Variants in SNX25 observed in about 807,000 individuals in gnomAD.
SNX25 encodes the protein sorting nexin-25.
In SNX25, 62 loss-of-function variants were observed where a neutral mutation model predicts 113.7. The observed-to-expected ratio is 0.55, with a 90% CI of 0.44 to 0.67. SNX25 has a LOEUF of 0.67. Among genes scored for constraint, SNX25 ranks in the 30% least tolerant of loss-of-function variants. SNX25 has a pLI of 0.00. For missense variants in SNX25, 1,014 were observed against 1,161.0 expected (o/e 0.87, Z 1.84); for synonymous variants, 421 against 436.2 (o/e 0.97, Z 0.43).
At chr4:185,343,846 A>C (rs371584055) in intron 12 of SNX25, among the ~76,000 whole-genome samples, 24 of 152,196 alleles carry the variant, frequency 1.6e-4, no homozygotes, top group African/African-American at 5.8e-4. Context: ...TAATAACAAG[A>C]GTGAGGCGTG....
At chr4:185,290,489 A>G (rs957316008) in intron 6 of SNX25, among the ~76,000 whole-genome samples, 2 of 152,234 alleles carry the variant, frequency 1.3e-5, no homozygotes, top group Non-Finnish European at 2.9e-5. Flanking sequence ...GTTACTGGTT[A>G]GCAGTGATTG....
At chr4:185,242,457 C>G (rs893699663) in intron 1 of SNX25, among the ~76,000 whole-genome samples, 2 of 152,184 alleles carry the variant, frequency 1.3e-5, no homozygotes, top group African/African-American at 4.8e-5. Flanking sequence ...CCATGAGCCC[C>G]CTTTGGGTTC....
intron 5 of SNX25, among the ~76,000 whole-genome samples, chr4:185,278,579 G>A (rs1038714917): frequency 2.0e-5 from 3 of 152,156 alleles, no homozygotes; most frequent in Admixed American, 6.5e-5. Context: ...CAGTTGCCGG[G>A]AGAAGGTAAA....
At chr4:185,352,700 C>T (rs1162823826) in intron 14 of SNX25, among the ~76,000 whole-genome samples, 1 of 152,200 alleles carries the variant, frequency 6.6e-6, no homozygotes, top group East Asian at 1.9e-4. Context: ...TTAGGGAACT[C>T]CTCCAGCCTC....
rs960198295 is a variant in SNX25, at chr4:185,286,732, C to T, written c.1092-1280C>T. On this transcript the variant is annotated intron_variant, in intron 5 of 18. Transcript: ENST00000652585. ...GGAGACTGGACGTTGGGCAGGCAGC[C>T]GGCAGTGTCTGCCACCATCTCTGAC... is the stretch of plus-strand genomic sequence containing the variant. Among the ~76,000 whole-genome samples the T allele has an allele frequency of 6.6e-5, 10 of 152,158 alleles. No homozygotes were observed. The East Asian group carries it at 1.2e-3, about 18-fold the overall frequency.
chr4:185,239,077 GCATTACGGCTGGTACT>G (rs1743103241), intron 1 of SNX25, among the ~76,000 whole-genome samples: 1 of 152,108 alleles, frequency 6.6e-6, no homozygotes, highest in African/African-American at 2.4e-5. Context: ...CAGTTTGAGC[GCATTACGGCTGGTACT>G]CTGGAGTAAA....
intron 15 of SNX25, among the ~76,000 whole-genome samples, chr4:185,357,305 G>A (rs1030266909): frequency 6.6e-6 from 1 of 152,194 alleles, no homozygotes. Context: ...TGTTCAAAAA[G>A]TGGGTTCAGC....
chr4:185,352,433 G>A (rs1217930377), intron 14 of SNX25, among the ~76,000 whole-genome samples: 1 of 152,114 alleles, frequency 6.6e-6, no homozygotes, highest in African/African-American at 2.4e-5. Context: ...GTCCCACAGA[G>A]CACACCCACA....
chr4:185,254,336 T>C (rs1746090381), intron 2 of SNX25, among the ~76,000 whole-genome samples: 1 of 152,170 alleles, frequency 6.6e-6, no homozygotes, highest in Non-Finnish European at 1.5e-5. Context: ...GAATTGTTGC[T>C]GTTGTTGTTT....
chr4:185,215,836 T>C (rs1180069625), intron 1 of SNX25, among the ~76,000 whole-genome samples: 1 of 151,908 alleles, frequency 6.6e-6, no homozygotes, highest in Non-Finnish European at 1.5e-5. Context: ...TTCGCCCAGA[T>C]TGGAGGGCAG....
intron 13 of SNX25, among the ~76,000 whole-genome samples, chr4:185,348,912 T>C (rs937443299): frequency 4.7e-5 from 7 of 149,126 alleles, no homozygotes; most frequent in African/African-American, 1.7e-4. Flanking sequence ...ACCTCTAATA[T>C]ATCAATTTTT....
chr4:185,310,852 A>C, intron 7 of SNX25, 36 bp downstream of exon 7: 1 of 1,545,970 alleles, frequency 6.5e-7, no homozygotes. Flanking sequence ...GACCCTACCA[A>C]GTTTATTATA....
At chr4:185,263,810 G>A (rs1747664117) in intron 3 of SNX25, among the ~76,000 whole-genome samples, 1 of 152,194 alleles carries the variant, frequency 6.6e-6, no homozygotes, top group African/African-American at 2.4e-5. Flanking sequence ...GGGAAGGGAA[G>A]TATAGAAAGT....
chr4:185,337,147 T>G (rs2095235498), intron 10 of SNX25, among the ~76,000 whole-genome samples: 1 of 152,238 alleles, frequency 6.6e-6, no homozygotes, highest in African/African-American at 2.4e-5. Context: ...TCTTTTGCTG[T>G]GCAGTAGCAT....
chr4:185,310,037 G>A lies in SNX25; in HGVS notation c.1163-598G>A, dbSNP rs189909108. ...CTGCCTGTTTCTCACTTTGACACTC[G>A]CTATTCTTTCTGTCTGCCATACTCT... On this transcript the variant is annotated intron_variant, in intron 6 of 18. Coordinates refer to ENST00000652585, the MANE Select transcript of SNX25 (RefSeq NM_001378034.2). 2.1e-3 allele frequency among the ~76,000 whole-genome samples: 313 copies of A among 152,218 alleles called. 3 individuals carry two copies. The highest frequency in any genetic ancestry group is 0.01 in the Middle Eastern group (3 of 294).
chr4:185,362,506 T>C (rs754722876), intron 17 of SNX25, 105 bp from the exon 18 acceptor site: 206 of 1,211,868 alleles, frequency 1.7e-4, no homozygotes, highest in Non-Finnish European at 2.2e-4. Context: ...CATGCCTCCA[T>C]GTGTTTATTG....
intron 1 of SNX25, among the ~76,000 whole-genome samples, chr4:185,236,427 A>G (rs1742656991): frequency 6.6e-6 from 1 of 152,192 alleles, no homozygotes; most frequent in African/African-American, 2.4e-5. Context: ...AATCTTTTGA[A>G]TCAAGTCAGA....
At position 185,265,606 on chromosome 4, in the gene SNX25, G is replaced by A. The variant is rs544732331; in HGVS notation, c.904+996G>A. On this transcript the variant is annotated intron_variant, in intron 4 of 18. Coordinates refer to ENST00000652585, the MANE Select transcript of SNX25 (RefSeq NM_001378034.2). ...GACTTCATAAACAGTGTACGCTTAG[G>A]CTACACTACATTTATTTAAAATTTT... 5.0e-4 allele frequency among the ~76,000 whole-genome samples: 76 copies of A among 152,138 alleles called. 1 individual carries two copies. The highest frequency in any genetic ancestry group is 1.7e-3 in the African/African-American group (70 of 41,478).
intron 1 of SNX25, among the ~76,000 whole-genome samples, chr4:185,211,689 C>T (rs1452612142): frequency 6.6e-6 from 1 of 152,056 alleles, no homozygotes; most frequent in Non-Finnish European, 1.5e-5. Context: ...GGGGAGCAGG[C>T]AATAAATAAA....
Sources: gnomAD v4.1 joint callset for allele counts (sites outside exome capture counted in the v4.1 genomes callset) on GRCh38, gnomAD v4.1.1 for gene constraint, MANE v1.5 for transcripts, NCBI Gene and HGNC (gene_info 2026-07-23, HGNC 2026-07-21) for gene names.